B3GALT1: variants seen among roughly 807,000 people sequenced by gnomAD.
B3GALT1 encodes the protein UDP-Gal:betaGlcNAc beta 1,3-galactosyltransferase, polypeptide 1.
In B3GALT1, 10 loss-of-function variants were observed where a neutral mutation model predicts 23.2. That is an observed-to-expected ratio of 0.43 (90% CI 0.27 to 0.73). The LOEUF is 0.73. Among genes scored for constraint, B3GALT1 ranks in the 30% least tolerant of loss-of-function variants. The pLI is 0.21. For missense variants in B3GALT1, 299 were observed against 405.4 expected (o/e 0.74, Z 2.25); for synonymous variants, 156 against 141.5 (o/e 1.10, Z -0.73).
intron 4 of B3GALT1, among the ~76,000 whole-genome samples, chr2:167,847,985 C>G (rs371915537): frequency 2.6e-4 from 39 of 151,682 alleles, no homozygotes; most frequent in African/African-American, 9.2e-4. Context: ...AACTAGAAAA[C>G]CTAGAAGAGA....
intron 3 of B3GALT1, among the ~76,000 whole-genome samples, chr2:167,803,463 T>A (rs1184457581): frequency 6.6e-6 from 1 of 152,226 alleles, no homozygotes; most frequent in Non-Finnish European, 1.5e-5. Flanking sequence ...TGGAGTTTTC[T>A]GTCGTCCCTG....
intron 1 of B3GALT1, among the ~76,000 whole-genome samples, chr2:167,409,240 T>C (rs1236861653): frequency 1.3e-5 from 2 of 152,210 alleles, no homozygotes; most frequent in Non-Finnish European, 2.9e-5. Context: ...GGGGTTGCTC[T>C]TCTCAAGTAC....
At chr2:167,628,788 G>T (rs1210376814) in intron 2 of B3GALT1, among the ~76,000 whole-genome samples, 1 of 151,636 alleles carries the variant, frequency 6.6e-6, no homozygotes, top group Non-Finnish European at 1.5e-5. Context: ...CATCTTCATT[G>T]TATTAACTGT....
At chr2:167,798,813 G>A (rs182745039) in intron 3 of B3GALT1, among the ~76,000 whole-genome samples, 24 of 152,282 alleles carry the variant, frequency 1.6e-4, no homozygotes, top group Admixed American at 7.8e-4. Flanking sequence ...ATGAAGTAAA[G>A]GATAGTTTTG....
intron 2 of B3GALT1, among the ~76,000 whole-genome samples, chr2:167,635,883 A>G (rs928248039): frequency 6.6e-5 from 10 of 152,018 alleles, no homozygotes; most frequent in African/African-American, 2.2e-4. Context: ...CCATATAGCC[A>G]AGACAATCCT....
At chr2:167,340,408 A>G (rs1261020504) in intron 1 of B3GALT1, among the ~76,000 whole-genome samples, 2 of 152,048 alleles carry the variant, frequency 1.3e-5, no homozygotes, top group African/African-American at 4.8e-5. Context: ...AAGAACATGC[A>G]GTCTACCCCT....
chr2:167,444,787 A>G (rs570355922), intron 1 of B3GALT1, among the ~76,000 whole-genome samples: 108 of 152,162 alleles, frequency 7.1e-4, no homozygotes, highest in Non-Finnish European at 7.9e-4. Flanking sequence ...CTAGCGGTCT[A>G]TAATTTTATT....
At chr2:167,756,159 C>T (rs1687813989) in intron 3 of B3GALT1, among the ~76,000 whole-genome samples, 1 of 152,064 alleles carries the variant, frequency 6.6e-6, no homozygotes, top group African/African-American at 2.4e-5. Flanking sequence ...CCCTAGTCTG[C>T]CCATTCCCAC....
Position 167,745,322 on chromosome 2 carries a change from A to T in B3GALT1, c.-351-73350A>T, listed in dbSNP as rs78476030. Among the ~76,000 whole-genome samples, 30 of 152,116 alleles carry T rather than the reference A, an allele frequency of 2.0e-4. No homozygotes were observed. The East Asian group carries it at 5.2e-3, about 26-fold the overall frequency. ...ATTCTCTATTTGTTTTAATTCCCTAAACTAGACACGATTATGGTTATCTAT... is the reference window on the plus strand; with the variant it reads ...ATTCTCTATTTGTTTTAATTCCCTATACTAGACACGATTATGGTTATCTAT... On this transcript the variant is annotated intron_variant, in intron 3 of 4. Coordinates refer to ENST00000392690, the MANE Select transcript of B3GALT1 (RefSeq NM_020981.4).
At position 167,444,992 on chromosome 2, in the gene B3GALT1, T is replaced by G. The variant is rs184581546; in HGVS notation, c.-510-45185T>G. On this transcript the variant is annotated intron_variant, in intron 1 of 4. Transcript: ENST00000392690. ...TTTTAGATCTTTCCTGCTTTCTCTT[T>G]TGGGCATTTAGTGCTATAAATTTCC... Among the ~76,000 whole-genome samples, 897 of 152,242 alleles carry G rather than the reference T, an allele frequency of 5.9e-3. 4 individuals carry two copies. The highest frequency in any genetic ancestry group is 0.02 in the African/African-American group (826 of 41,564).
At chr2:167,631,455 G>A (rs1349424727) in intron 2 of B3GALT1, 2 of 151,724 alleles carry the variant, frequency 1.3e-5, no homozygotes, top group African/African-American at 2.4e-5. Context: ...TTGTCTAGCA[G>A]GATAACCCAA....
At chr2:167,735,663 T>C (rs1245553219) in intron 3 of B3GALT1, among the ~76,000 whole-genome samples, 2 of 152,006 alleles carry the variant, frequency 1.3e-5, no homozygotes, top group African/African-American at 4.8e-5. Flanking sequence ...ACAAGAGGGG[T>C]GGAGGACAGG....
chr2:167,391,427 T>C (rs1329875433), intron 1 of B3GALT1, among the ~76,000 whole-genome samples: 2 of 152,214 alleles, frequency 1.3e-5, no homozygotes, highest in Non-Finnish European at 2.9e-5. Context: ...TTTAATAATA[T>C]TGGATTTTAA....
At chr2:167,445,603 C>A (rs188811975) in intron 1 of B3GALT1, among the ~76,000 whole-genome samples, 1 of 152,216 alleles carries the variant, frequency 6.6e-6, no homozygotes, top group Non-Finnish European at 1.5e-5. Context: ...GGAATTGATC[C>A]CTTTACCATT....
intron 2 of B3GALT1, among the ~76,000 whole-genome samples, chr2:167,640,972 T>G (rs1265486538): frequency 6.6e-6 from 1 of 152,162 alleles, no homozygotes; most frequent in African/African-American, 2.4e-5. Context: ...GACGTTATAC[T>G]TGACCTTTCT....
At chr2:167,367,796 A>T (rs1204865131) in intron 1 of B3GALT1, among the ~76,000 whole-genome samples, 1 of 152,186 alleles carries the variant, frequency 6.6e-6, no homozygotes, top group East Asian at 1.9e-4. Flanking sequence ...AGGATCCTTC[A>T]TGGGATATTT....
At chr2:167,419,317 T>C (rs541102883) in intron 1 of B3GALT1, among the ~76,000 whole-genome samples, 133 of 152,338 alleles carry the variant, frequency 8.7e-4, no homozygotes, top group African/African-American at 3.1e-3. Context: ...TATTAGAGTT[T>C]AATCACTGCC....
intron 1 of B3GALT1, among the ~76,000 whole-genome samples, chr2:167,329,611 T>C (rs1230227043): frequency 6.6e-6 from 1 of 152,226 alleles, no homozygotes; most frequent in Non-Finnish European, 1.5e-5. Context: ...TTTCTTTAGA[T>C]CTAGTAATAT....
intron 4 of B3GALT1, among the ~76,000 whole-genome samples, chr2:167,833,650 A>G (rs113302448): frequency 2.0e-5 from 3 of 152,340 alleles, no homozygotes; most frequent in African/African-American, 7.2e-5. Context: ...GAGAAAGGAA[A>G]ACTGAAAGTT....
Sources: gnomAD v4.1 joint callset for allele counts (sites outside exome capture counted in the v4.1 genomes callset) on GRCh38, gnomAD v4.1.1 for gene constraint, MANE v1.5 for transcripts, NCBI Gene and HGNC (gene_info 2026-07-23, HGNC 2026-07-21) for gene names.